Variants in RPH3A observed in about 807,000 individuals in gnomAD.
The protein encoded by RPH3A is rabphilin 3A.
RPH3A carries 48 observed loss-of-function variants against 102.2 expected under a neutral mutation model. The observed-to-expected ratio is 0.47, with a 90% CI of 0.37 to 0.60. The LOEUF (loss-of-function observed/expected upper bound fraction) is 0.60, where lower values mean the gene tolerates loss of function less well. RPH3A is among the 20% of genes least tolerant of loss of function. The pLI is 0.00. For synonymous variants in RPH3A, 310 were observed against 324.3 expected (o/e 0.96, Z 0.47); for missense variants, 781 against 910.1 (o/e 0.86, Z 1.83).
intron 1 of RPH3A, among the ~76,000 whole-genome samples, chr12:112,589,668 C>T (rs139180020): frequency 1.3e-5 from 2 of 152,346 alleles, no homozygotes; most frequent in East Asian, 3.9e-4. Flanking sequence ...CTTTATAAAT[C>T]CATTTGTTCA....
At chr12:112,729,623 TG>T (rs2040619729) in intron 1 of RPH3A, among the ~76,000 whole-genome samples, 1 of 152,188 alleles carries the variant, frequency 6.6e-6, no homozygotes. Context: ...TCCTAAATAT[TG>T]ACTAGTTGCT....
At chr12:112,694,364 C>T (rs917622690) in intron 1 of RPH3A, among the ~76,000 whole-genome samples, 9 of 152,116 alleles carry the variant, frequency 5.9e-5, no homozygotes, top group African/African-American at 1.9e-4. Flanking sequence ...AAGCAGAGGT[C>T]TTCTTAGTGA....
intron 1 of RPH3A, among the ~76,000 whole-genome samples, chr12:112,639,951 A>G (rs537041020): frequency 1.3e-5 from 2 of 152,272 alleles, no homozygotes; most frequent in African/African-American, 4.8e-5. Context: ...ACAAATGAGA[A>G]TATGGAAGCT....
chr12:112,694,587 CAGAG>C (rs888296800), intron 1 of RPH3A, among the ~76,000 whole-genome samples: 15 of 145,844 alleles, frequency 1.0e-4, no homozygotes, highest in East Asian at 4.0e-4. Flanking sequence ...GAGAGAAAGG[CAGAG>C]AGAGAGAGAG....
chr12:112,649,447 C>T (rs556800562), intron 1 of RPH3A: 1 of 152,280 alleles, frequency 6.6e-6, no homozygotes, highest in South Asian at 2.1e-4. Context: ...AGCTACTAGC[C>T]AGGCCTGAGA....
chr12:112,796,589 G>A (rs1348779209), intron 2 of RPH3A, among the ~76,000 whole-genome samples: 3 of 152,256 alleles, frequency 2.0e-5, no homozygotes, highest in South Asian at 2.1e-4. Flanking sequence ...TGAGTCAGTC[G>A]TTGGTGAAAG....
chr12:112,880,354 C>A lies in RPH3A; in HGVS notation c.1251+1156C>A, dbSNP rs374016354. 5.9e-5 allele frequency among the ~76,000 whole-genome samples: 9 copies of A among 152,318 alleles called. No homozygotes were observed. The East Asian group carries it at 9.6e-4, about 16-fold the overall frequency. ...AGAAGCACTTAACACTGCCCCTCCA[C>A]CCCCGCCAATAACACAGTGAAGTAA... On this transcript the variant is annotated intron_variant, in intron 14 of 21. Transcript: ENST00000389385.
At chr12:112,618,145 C>T (rs1045260589) in intron 1 of RPH3A, among the ~76,000 whole-genome samples, 1 of 152,180 alleles carries the variant, frequency 6.6e-6, no homozygotes, top group African/African-American at 2.4e-5. Flanking sequence ...TCATCCCATG[C>T]ACACAGCACT....
chr12:112,875,703 G>A lies in RPH3A; in HGVS notation c.908G>A (p.Gly303Asp), dbSNP rs2042786094. 7 of 1,613,728 alleles carry A rather than the reference G, an allele frequency of 4.3e-6. No homozygotes were observed. Among genetic ancestry groups the A allele is most frequent in the Middle Eastern group, 1.6e-4 (1 of 6,084 alleles). The stretch of plus-strand genomic sequence containing the variant: ...GGGACCCCAGGAGGAAGCAGACCGG[G>A]TCCTGGGCCAGCAGGACGCTTTCCA... ...QPGTPGGSRP[G>D]PGPAGRFPDQ... is the part of the protein sequence containing the mutation. The change falls in exon 12 of 22, where the codon GGT becomes GAT. Residue 303 changes from glycine (G) to aspartate (D), a missense_variant. Gly to Asp is a moderately conservative substitution (Grantham distance 94, BLOSUM62 -1). Around this residue, in one of 2 missense-constraint regions of RPH3A, gnomAD observed 730 missense variants for 810.0 expected, o/e 0.90. Transcript: ENST00000389385.
At chr12:112,800,934 A>G (rs1055486011) in intron 2 of RPH3A, among the ~76,000 whole-genome samples, 6 of 152,106 alleles carry the variant, frequency 3.9e-5, no homozygotes, top group African/African-American at 1.4e-4. Flanking sequence ...GCTAAAATGC[A>G]CGGTTCCCCT....
intron 2 of RPH3A, among the ~76,000 whole-genome samples, chr12:112,810,710 A>G (rs1462579712): frequency 6.6e-6 from 1 of 152,150 alleles, no homozygotes; most frequent in East Asian, 1.9e-4. Context: ...CAAATTGGCT[A>G]TTTGCATCAA....
In RPH3A at chr12:112,678,311, GAGAGAGAA is replaced by G. The variant is rs2040200293; in HGVS notation, c.-140+102996_-140+103003del. ...AAAGAAAGAAAGAAAGAAAGAGAGAGAGAGAGAAAGAAAGAAAGAAGGAAGGAAGGAAG... is the reference window on the plus strand; with the variant it reads ...AAAGAAAGAAAGAAAGAAAGAGAGAGAGAAAGAAAGAAGGAAGGAAGGAAG... On this transcript the variant is annotated intron_variant, in intron 1 of 21. Coordinates refer to the RPH3A transcript ENST00000543106. Among the ~76,000 whole-genome samples, 3 of 114,084 alleles carry G rather than the reference GAGAGAGAA, an allele frequency of 2.6e-5. 1 individual carries two copies. The highest frequency in any genetic ancestry group is 1.1e-4 in the African/African-American group (3 of 27,300). 74.8% of individuals were successfully genotyped at this position (114,084 alleles called of 152,430 possible). A position where few individuals can be genotyped will look rare whatever the true frequency, so the allele number is the denominator to read the frequency against.
intron 5 of RPH3A, among the ~76,000 whole-genome samples, chr12:112,854,437 C>T (rs2042375927): frequency 6.6e-6 from 1 of 152,226 alleles, no homozygotes; most frequent in African/African-American, 2.4e-5. Context: ...TTTATGTAAA[C>T]TTCACAGGAA....
At chr12:112,877,461 A>AC (rs1176054466) in intron 13 of RPH3A, among the ~76,000 whole-genome samples, 1 of 129,340 alleles carries the variant, frequency 7.7e-6, no homozygotes, top group African/African-American at 3.5e-5. Flanking sequence ...CACACACACC[A>AC]GTGGCATTTC....
intron 1 of RPH3A, among the ~76,000 whole-genome samples, chr12:112,679,756 AGG>A (rs1197842705): frequency 1.3e-5 from 2 of 152,208 alleles, no homozygotes; most frequent in African/African-American, 4.8e-5. Context: ...AGGCTGTGCC[AGG>A]GGTTTGTCAT....
At chr12:112,779,302 C>T (rs372227537) in intron 1 of RPH3A, among the ~76,000 whole-genome samples, 8 of 152,168 alleles carry the variant, frequency 5.3e-5, no homozygotes, top group Non-Finnish European at 8.8e-5. Context: ...AAGTCTCTGT[C>T]GGAGGAGTCC....
At chr12:112,620,840 A>G (rs546743956) in intron 1 of RPH3A, among the ~76,000 whole-genome samples, 2 of 151,958 alleles carry the variant, frequency 1.3e-5, no homozygotes, top group East Asian at 1.9e-4. Flanking sequence ...TCCACATCCA[A>G]TTCATCAACC....
intron 1 of RPH3A, among the ~76,000 whole-genome samples, chr12:112,750,718 T>C (rs1248245492): frequency 6.6e-6 from 1 of 152,150 alleles, no homozygotes; most frequent in African/African-American, 2.4e-5. Flanking sequence ...TATTTAGCTT[T>C]TGGAGGATGC....
chr12:112,783,861 G>A (rs2136079581), intron 1 of RPH3A, among the ~76,000 whole-genome samples: 1 of 152,220 alleles, frequency 6.6e-6, no homozygotes, highest in Non-Finnish European at 1.5e-5. Flanking sequence ...CATTTCCTCT[G>A]CTCCCTCCTT....
Sources: allele counts gnomAD v4.1 joint callset (sites outside exome capture counted in the v4.1 genomes callset), GRCh38; gene constraint gnomAD v4.1.1; regional missense constraint gnomAD v4.1.1; transcripts MANE v1.5; gene names NCBI Gene and HGNC (gene_info 2026-07-23, HGNC 2026-07-21).